The following CDH13 variants were observed in gnomAD, a reference collection of about 807,000 sequenced individuals.
CDH13 encodes the protein cadherin-13.
In CDH13, 24 loss-of-function variants were observed where a neutral mutation model predicts 63.8. The ratio of observed to expected loss-of-function variants is 0.38; its 90% confidence interval spans 0.27 to 0.53. The LOEUF (loss-of-function observed/expected upper bound fraction) is 0.53, where lower values mean the gene tolerates loss of function less well. Ranked by LOEUF, CDH13 falls within the 20% of genes least tolerant of loss-of-function variation. The pLI is 0.85. For missense variants in CDH13, 1,049 were observed against 903.1 expected (o/e 1.16, Z -2.07); for synonymous variants, 503 against 355.3 (o/e 1.42, Z -4.67).
chr16:82,633,434 C>T (rs879850091), intron 1 of CDH13, among the ~76,000 whole-genome samples: 14 of 152,340 alleles, frequency 9.2e-5, no homozygotes, highest in South Asian at 4.1e-4. Context: ...AGCCGGAGTG[C>T]GGTGGCGCGA....
At chr16:82,728,150 A>G (rs2033200972) in intron 1 of CDH13, among the ~76,000 whole-genome samples, 1 of 152,306 alleles carries the variant, frequency 6.6e-6, no homozygotes, top group East Asian at 1.9e-4. Context: ...AGCTTGACAC[A>G]TACAAAGCAC....
At chr16:82,705,371 T>G (rs902822964) in intron 1 of CDH13, 3 of 306,598 alleles carry the variant, frequency 9.8e-6, no homozygotes, top group Non-Finnish European at 1.9e-5. Context: ...TTCAATACGC[T>G]AATACAGTGT....
At chr16:82,746,297 A>G (rs557602360) in intron 1 of CDH13, among the ~76,000 whole-genome samples, 71 of 123,926 alleles carry the variant, frequency 5.7e-4, no homozygotes, top group African/African-American at 2.0e-3. Flanking sequence ...TGATGCATGT[A>G]TATATACATA....
At chr16:82,830,055 C>A (rs759831) in intron 1 of CDH13, among the ~76,000 whole-genome samples, 38,077 of 152,154 alleles carry the variant, frequency 0.25, 5,419 homozygotes, top group Middle Eastern at 0.32. Context: ...TTTAATCCTA[C>A]AGCAGTCCTA....
chr16:83,231,060 G>T lies in CDH13; in HGVS notation c.636+13563G>T, dbSNP rs141227549. Among the ~76,000 whole-genome samples, 477 of 152,290 alleles carry T rather than the reference G, an allele frequency of 3.1e-3. 3 individuals are homozygous for T. Among genetic ancestry groups the T allele is most frequent in the African/African-American group, 0.01 (429 of 41,566 alleles). On this transcript the variant is annotated intron_variant, in intron 5 of 13. Transcript: ENST00000567109. ...CCCAGCTCTCTAAACTTGAGCAAAT[G>T]CTCAGAGCAAGACCTGGTGCTAGGA...
At chr16:83,391,117 T>C (rs551727354) in intron 6 of CDH13, among the ~76,000 whole-genome samples, 1 of 152,284 alleles carries the variant, frequency 6.6e-6, no homozygotes, top group East Asian at 1.9e-4. Flanking sequence ...CACCATCTGC[T>C]GCCCAGGGGG....
chr16:82,745,633 G>T (rs546245315), intron 1 of CDH13, among the ~76,000 whole-genome samples: 1 of 152,086 alleles, frequency 6.6e-6, no homozygotes, highest in Non-Finnish European at 1.5e-5. Context: ...CCATATGTAT[G>T]TGGTTCCATC....
At chr16:82,831,291 T>C (rs1269084812) in intron 1 of CDH13, among the ~76,000 whole-genome samples, 1 of 152,146 alleles carries the variant, frequency 6.6e-6, no homozygotes, top group Non-Finnish European at 1.5e-5. Flanking sequence ...AACCATACAT[T>C]TATCCTTAGC....
At chr16:83,365,523 C>T (rs763754520) in intron 6 of CDH13, among the ~76,000 whole-genome samples, 1 of 152,186 alleles carries the variant, frequency 6.6e-6, no homozygotes, top group East Asian at 1.9e-4. Context: ...CAAATGTTGG[C>T]CCCATGATCT....
intron 6 of CDH13, among the ~76,000 whole-genome samples, chr16:83,428,203 C>T (rs886375481): frequency 2.6e-5 from 4 of 152,146 alleles, no homozygotes; most frequent in African/African-American, 4.8e-5. Context: ...TATTATTGAA[C>T]TTCATGTGAC....
intron 3 of CDH13, among the ~76,000 whole-genome samples, chr16:83,033,231 C>T (rs1350998883): frequency 1.3e-5 from 2 of 152,114 alleles, no homozygotes; most frequent in Non-Finnish European, 2.9e-5. Flanking sequence ...TTTTGTTTCC[C>T]ATTGACCTTC....
At chr16:83,366,047 T>A (rs974844355) in intron 6 of CDH13, among the ~76,000 whole-genome samples, 2 of 152,230 alleles carry the variant, frequency 1.3e-5, no homozygotes, top group Non-Finnish European at 2.9e-5. Flanking sequence ...ACTTAATTTA[T>A]GATAATTTTT....
intron 3 of CDH13, among the ~76,000 whole-genome samples, chr16:83,043,316 A>G (rs1025594319): frequency 1.1e-4 from 16 of 152,224 alleles, no homozygotes; most frequent in African/African-American, 3.6e-4. Flanking sequence ...ATAGATAACT[A>G]AAAATGGCTT....
At chr16:82,776,377 A>G (rs374139958) in intron 1 of CDH13, among the ~76,000 whole-genome samples, 67 of 152,330 alleles carry the variant, frequency 4.4e-4, no homozygotes, top group East Asian at 3.5e-3. Flanking sequence ...CCTGCATGCA[A>G]AAAAACCCAG....
At chr16:83,310,973 A>T (rs1207164249) in intron 5 of CDH13, among the ~76,000 whole-genome samples, 2 of 152,272 alleles carry the variant, frequency 1.3e-5, no homozygotes, top group East Asian at 3.9e-4. Context: ...CACACAACAC[A>T]CACAAAGTAC....
intron 2 of CDH13, among the ~76,000 whole-genome samples, chr16:83,027,101 G>GCCCC (rs1386342125): frequency 1.7e-5 from 2 of 118,558 alleles, no homozygotes; most frequent in African/African-American, 3.5e-5. Flanking sequence ...ACAGAAGGGA[G>GCCCC]ACCCCCCCCC....
chr16:83,712,741 G>C (rs1037525159), intron 10 of CDH13, among the ~76,000 whole-genome samples: 2 of 152,182 alleles, frequency 1.3e-5, no homozygotes, highest in Non-Finnish European at 2.9e-5. Context: ...TACAGACATT[G>C]TTTTCCTCTA....
chr16:83,394,684 A>AGTGGAT (rs563294106), intron 6 of CDH13, among the ~76,000 whole-genome samples: 168 of 152,314 alleles, frequency 1.1e-3, no homozygotes, highest in Admixed American at 3.1e-3. Flanking sequence ...AAGAGATCAA[A>AGTGGAT]GTGGATGAGA....
intron 9 of CDH13, among the ~76,000 whole-genome samples, chr16:83,676,892 C>A (rs3784941): frequency 3.3e-5 from 5 of 152,248 alleles, no homozygotes; most frequent in Non-Finnish European, 5.9e-5. Flanking sequence ...GGTGCCAGCT[C>A]TTTCCCCAGC....
Sources: gnomAD v4.1 joint callset for allele counts (sites outside exome capture counted in the v4.1 genomes callset) on GRCh38, gnomAD v4.1.1 for gene constraint, MANE v1.5 for transcripts, NCBI Gene and HGNC (gene_info 2026-07-23, HGNC 2026-07-21) for gene names.